Variants in TIMMDC1 observed in about 807,000 individuals in gnomAD.
The protein encoded by TIMMDC1 is complex I assembly factor TIMMDC1, mitochondrial.
TIMMDC1 carries 25 observed loss-of-function variants against 32.6 expected under a neutral mutation model. That is an observed-to-expected ratio of 0.77 (90% confidence interval 0.56 to 1.07). The LOEUF is 1.07. Among genes scored for constraint, TIMMDC1 ranks in the 50% least tolerant of loss-of-function variants. TIMMDC1 has a pLI of 0.00. For synonymous variants in TIMMDC1, 130 were observed against 127.6 expected (o/e 1.02, Z -0.13); for missense variants, 329 against 349.2 (o/e 0.94, Z 0.46).
At position 119,500,671 on chromosome 3, in the gene TIMMDC1, A is replaced by G; in HGVS notation, c.195-24A>G. ...CAATGTCCATAAACTAATCCCAAAC[A>G]ACATTGTCTTTTTGATGTTGTAGTG... On this transcript the variant is annotated intron_variant, in intron 1 of 6. Transcript: ENST00000494664. 1.9e-6 allele frequency: 3 copies of G among 1,603,964 alleles called. No homozygotes were observed. In the South Asian group the frequency reaches 3.4e-5, roughly 18 times the overall value.
At chr3:119,506,855 T>C (rs575618977) in intron 4 of TIMMDC1, among the ~76,000 whole-genome samples, 1 of 152,316 alleles carries the variant, frequency 6.6e-6, no homozygotes, top group African/African-American at 2.4e-5. Flanking sequence ...ACATGTTCTT[T>C]CCTTTTGTGA....
chr3:119,524,411 A>G lies in TIMMDC1; in HGVS notation c.*655A>G, dbSNP rs895509329. Reference sequence around the variant, plus strand: ...AGTCATCACAACTGTTACTAAATGGAAAAGAAAAGAATTATTGAGTTAAGT... The same window carrying G: ...AGTCATCACAACTGTTACTAAATGGGAAAGAAAAGAATTATTGAGTTAAGT... On this transcript the variant is annotated 3_prime_UTR_variant, in exon 7 of 7. Transcript: ENST00000494664. The G allele has an allele frequency of 6.6e-6, 1 of 152,250 alleles. No individual in the cohort carries two copies. Among genetic ancestry groups the G allele is most frequent in the African/African-American group, 2.4e-5 (1 of 41,468 alleles). 9.4% of individuals were successfully genotyped at this position (152,250 alleles called of 1,614,324 possible). A position where few individuals can be genotyped will look rare whatever the true frequency, so the allele number is the denominator to read the frequency against.
Position 119,500,876 on chromosome 3 carries a change from C to T in TIMMDC1, c.360+16C>T, listed in dbSNP as rs775850616. The T allele has an allele frequency of 5.6e-6, 9 of 1,601,092 alleles. No individual in the cohort carries two copies. In the African/African-American group the frequency reaches 1.1e-4, roughly 19 times the overall value. On this transcript the variant is annotated intron_variant, in intron 2 of 6. Transcript: ENST00000494664. ...TGATGCTGTGGTATGTACTGGTGAT[C>T]TAAAGAAATTTGGGGCACACTGACT...
At chr3:119,517,574 T>G (rs1000053038) in intron 6 of TIMMDC1, among the ~76,000 whole-genome samples, 1 of 152,246 alleles carries the variant, frequency 6.6e-6, no homozygotes, top group Non-Finnish European at 1.5e-5. Flanking sequence ...GGTGTAAATC[T>G]TGCTTGCATG....
At chr3:119,521,147 G>A (rs1348128875) in intron 6 of TIMMDC1, among the ~76,000 whole-genome samples, 1 of 152,138 alleles carries the variant, frequency 6.6e-6, no homozygotes, top group Non-Finnish European at 1.5e-5. Context: ...AGGGAAAAGT[G>A]AAAAGCTTTT....
chr3:119,505,979 G>A (rs185956904), intron 4 of TIMMDC1, among the ~76,000 whole-genome samples: 17 of 152,228 alleles, frequency 1.1e-4, no homozygotes, highest in Admixed American at 7.2e-4. Flanking sequence ...GTAAACGCGT[G>A]TCATGGAGAT....
chr3:119,509,686 A>ATTT (rs35042893), intron 4 of TIMMDC1, among the ~76,000 whole-genome samples: 1 of 139,370 alleles, frequency 7.2e-6, no homozygotes. Context: ...ATGCAACTAA[A>ATTT]TTTTTTTTTT....
intron 4 of TIMMDC1, 118 bp downstream of exon 4, chr3:119,504,139 C>T (rs2081900211): frequency 1.4e-6 from 1 of 718,580 alleles, no homozygotes; most frequent in South Asian, 1.7e-5. Context: ...ATCTCATCAA[C>T]ATTGATGCAA....
At chr3:119,507,694 T>C (rs1044646193) in intron 4 of TIMMDC1, among the ~76,000 whole-genome samples, 1 of 152,200 alleles carries the variant, frequency 6.6e-6, no homozygotes, top group Non-Finnish European at 1.5e-5. Flanking sequence ...TCAAACTGCT[T>C]TTGCCTTTTA....
At position 119,524,638 on chromosome 3, in the gene TIMMDC1, GTCT is replaced by G. The variant is rs1465197610; in HGVS notation, c.*887_*889del. The G allele has an allele frequency of 4.6e-5, 7 of 152,182 alleles. No homozygotes were observed. The highest frequency in any genetic ancestry group is 1.2e-4 in the African/African-American group (5 of 41,432). The allele number at this position is 152,182 out of a possible 1,614,324, so 9.4% of individuals were successfully genotyped here. On this transcript the variant is annotated 3_prime_UTR_variant, in exon 7 of 7. Coordinates refer to ENST00000494664, the MANE Select transcript of TIMMDC1 (RefSeq NM_016589.4). The stretch of plus-strand genomic sequence containing the variant: ...ATGAGATGTGCATTTGAGAAATGTT[GTCT>G]TCTTTTGCTGTTCAACTCCAGATTT...
chr3:119,499,008 A>G, intron 1 of TIMMDC1, 81 bp downstream of exon 1: 2 of 1,155,786 alleles, frequency 1.7e-6, no homozygotes, highest in Non-Finnish European at 2.5e-6. Flanking sequence ...GGTCAGCCTT[A>G]GGACACCAAG....
At chr3:119,502,144 A>G (rs1334173355) in intron 2 of TIMMDC1, among the ~76,000 whole-genome samples, 2 of 152,314 alleles carry the variant, frequency 1.3e-5, no homozygotes, top group South Asian at 2.1e-4. Flanking sequence ...CTTAAATGCT[A>G]TTATAAACTA....
intron 5 of TIMMDC1, 59 bp from the exon 6 acceptor site, chr3:119,517,146 A>T: frequency 9.6e-7 from 1 of 1,037,360 alleles, no homozygotes; most frequent in Non-Finnish European, 1.5e-6. Flanking sequence ...AGAGAATCTC[A>T]CATGTTGCAA....
intron 6 of TIMMDC1, among the ~76,000 whole-genome samples, chr3:119,517,979 CTT>C (rs71812615): frequency 3.6e-4 from 48 of 133,980 alleles, no homozygotes; most frequent in Non-Finnish European, 3.3e-4. Flanking sequence ...AAAAAAGTGA[CTT>C]TTTTTTTTTT....
intron 6 of TIMMDC1, among the ~76,000 whole-genome samples, chr3:119,518,551 C>G (rs980242351): frequency 8.1e-5 from 11 of 135,134 alleles, no homozygotes; most frequent in African/African-American, 3.8e-4. Context: ...AATACTTCAT[C>G]TCAAAAAAAA....
chr3:119,504,173 G>A lies in TIMMDC1; in HGVS notation c.517+152G>A, dbSNP rs1012976453. On this transcript the variant is annotated intron_variant, in intron 4 of 6. Transcript: ENST00000494664. Reference sequence around the variant, plus strand: ...AAAATGTATTTATGGACAGTGTTGTGCTTCACCCTTGATATACTCAATGGG... The same window carrying A: ...AAAATGTATTTATGGACAGTGTTGTACTTCACCCTTGATATACTCAATGGG... 4.0e-5 allele frequency: 25 copies of A among 629,648 alleles called. 1 individual carries two copies. The South Asian group carries it at 4.2e-4, about 11-fold the overall frequency. 39.0% of individuals were successfully genotyped at this position (629,648 alleles called of 1,614,324 possible).
Position 119,523,883 on chromosome 3 carries a change from T to G in TIMMDC1, c.*127T>G, listed in dbSNP as rs1208621104. On this transcript the variant is annotated 3_prime_UTR_variant, in exon 7 of 7. Transcript: ENST00000494664. The stretch of plus-strand genomic sequence containing the variant: ...TAAGTGCTGGTACCTGTGGTGGCAG[T>G]GGCTTGCTCTTGTCTTTTTCTTTTC... 5 of 901,176 alleles carry G rather than the reference T, an allele frequency of 5.5e-6. No individual in the cohort carries two copies. The East Asian group carries it at 1.3e-4, about 23-fold the overall frequency. The allele number at this position is 901,176 out of a possible 1,614,324, so 55.8% of individuals were successfully genotyped here.
At chr3:119,510,660 C>T (rs1038851581) in intron 4 of TIMMDC1, among the ~76,000 whole-genome samples, 8 of 152,080 alleles carry the variant, frequency 5.3e-5, no homozygotes, top group African/African-American at 1.2e-4. Context: ...ACTTCACATT[C>T]GTGGTTTAAG....
intron 1 of TIMMDC1, among the ~76,000 whole-genome samples, chr3:119,499,771 A>G (rs1001968038): frequency 2.0e-5 from 3 of 152,206 alleles, no homozygotes; most frequent in East Asian, 3.9e-4. Context: ...TAAGACAGCT[A>G]TTTGTTAGAG....
Sources: gnomAD v4.1 joint callset for allele counts (sites outside exome capture counted in the v4.1 genomes callset) on GRCh38, gnomAD v4.1.1 for gene constraint, MANE v1.5 for transcripts, NCBI Gene and HGNC (gene_info 2026-07-23, HGNC 2026-07-21) for gene names.